The following FEV variants were observed in gnomAD, a reference collection of about 807,000 sequenced individuals.
FEV encodes protein FEV.
Under a neutral mutation model 20.5 loss-of-function variants are expected in FEV, and 14 were observed. That is an observed-to-expected ratio of 0.68 (90% CI 0.45 to 1.07). The LOEUF is 1.07. Among genes scored for constraint, FEV ranks in the 50% least tolerant of loss-of-function variants. The pLI is 0.00. For missense variants in FEV, 301 were observed against 345.3 expected (o/e 0.87, Z 1.02); for synonymous variants, 188 against 163.7 (o/e 1.15, Z -1.13).
In FEV at chr2:218,984,860, C is replaced by A. The variant is rs1178044689; in HGVS notation, c.52+164G>T. 1.3e-5 allele frequency among the ~76,000 whole-genome samples: 2 copies of A among 152,218 alleles called. No individual in the cohort carries two copies. Among genetic ancestry groups the A allele is most frequent in the African/African-American group, 4.8e-5 (2 of 41,454 alleles). On this transcript the variant is annotated intron_variant, in intron 1 of 2. Transcript: ENST00000295727. The surrounding 1 kb of genome is among the most constrained non-coding windows in gnomAD (Gnocchi z 5.0). ...ACTGAAACCCAGAGCTCTCTATCTGCCTTTAGGTCTCCCCAGTGCCCTACA... is the reference window on the plus strand; with the variant it reads ...ACTGAAACCCAGAGCTCTCTATCTGACTTTAGGTCTCCCCAGTGCCCTACA...
In FEV at chr2:218,981,722, G is replaced by C; in HGVS notation, c.662C>G (p.Pro221Arg). ...LYPSPSLQPP[P>R]GPFGAVAAAS... ...TGCGGCCACGGCCCCGAAGGGCCCG[G>C]GCGGGGGCTGCAAGCTGGGACTGGG... Residue 221 changes from proline (P) to arginine (R), a missense_variant, in exon 3 of 3, where the codon CCC becomes CGC. Coordinates refer to ENST00000295727, the MANE Select transcript of FEV (RefSeq NM_017521.3). The surrounding 1 kb of genome is among the most constrained non-coding windows in gnomAD (Gnocchi z 4.5). 4.5e-6 allele frequency: 6 copies of C among 1,334,826 alleles called. No homozygotes were observed. The highest frequency in any genetic ancestry group is 4.8e-6 in the Non-Finnish European group (5 of 1,049,616). The allele number at this position is 1,334,826 out of a possible 1,614,324, so 82.7% of individuals were successfully genotyped here.
Position 218,981,602 on chromosome 2 carries a change from A to G in FEV, c.*65T>C. On this transcript the variant is annotated 3_prime_UTR_variant, in exon 3 of 3. Coordinates refer to ENST00000295727, the MANE Select transcript of FEV (RefSeq NM_017521.3). This position sits in a 1 kb window ranked among gnomAD's most constrained non-coding sequence, Gnocchi z 4.5. Reference sequence around the variant, plus strand: ...CGGAGGCTCCCGGGCCCTCCCCGGGATGCCGATGGGATCGGGCGAGACTCT... The same window carrying G: ...CGGAGGCTCCCGGGCCCTCCCCGGGGTGCCGATGGGATCGGGCGAGACTCT... 1 of 1,203,618 alleles carries G rather than the reference A, an allele frequency of 8.3e-7. No homozygotes were observed. Among genetic ancestry groups the G allele is most frequent in the South Asian group, 3.5e-5 (1 of 28,428 alleles). 74.6% of individuals were successfully genotyped at this position (1,203,618 alleles called of 1,614,324 possible).
In FEV at chr2:218,984,375, G is replaced by C. The variant is rs897974154; in HGVS notation, c.53-70C>G. 15 of 1,459,746 alleles carry C rather than the reference G, an allele frequency of 1.0e-5. No individual in the cohort carries two copies. The South Asian group carries it at 1.4e-4, about 13-fold the overall frequency. 90.4% of individuals were successfully genotyped at this position (1,459,746 alleles called of 1,614,324 possible). A position where few individuals can be genotyped will look rare whatever the true frequency, so the allele number is the denominator to read the frequency against. On this transcript the variant is annotated intron_variant, in intron 1 of 2. Transcript: ENST00000295727. The surrounding 1 kb of genome is among the most constrained non-coding windows in gnomAD (Gnocchi z 5.0). ...GTTGTGGGCTTGACAAAAGGGCCCC[G>C]GGCCAAGGCTTAAGGGGGGTGCTGT... is the stretch of plus-strand genomic sequence containing the variant.
At chr2:218,982,320 T>C (rs1945397887) in intron 2 of FEV, 64 bp from the exon 3 acceptor site, 6 of 1,435,050 alleles carry the variant, frequency 4.2e-6, no homozygotes, top group Non-Finnish European at 5.6e-6. Context: ...GGAAGAGTGC[T>C]GGCGGGAAAC....
chr2:218,983,576 C>T (rs1945410437), intron 2 of FEV, among the ~76,000 whole-genome samples: 1 of 152,220 alleles, frequency 6.6e-6, no homozygotes, highest in Non-Finnish European at 1.5e-5. Context: ...TCCTGTTGGG[C>T]ATAGTTTCCT....
At chr2:218,982,342 G>T (rs1945398181) in intron 2 of FEV, 86 bp from the exon 3 acceptor site, 1 of 1,202,694 alleles carries the variant, frequency 8.3e-7, no homozygotes, top group Non-Finnish European at 1.1e-6. Flanking sequence ...GACCCACCCC[G>T]GCAGGAACCG....
rs1945388711 is a variant in FEV at position 218,981,788 on chromosome 2, C to G, written c.596G>C (p.Gly199Ala). The change falls in exon 3 of 3, where the codon GGC becomes GCC. Residue 199 changes from glycine to alanine, a missense_variant. Transcript: ENST00000295727. The surrounding 1 kb of genome is among the most constrained non-coding windows in gnomAD (Gnocchi z 4.5). ...GGCGGCGGCAGCGGTGGCGGCGGGG[C>G]CCGGGCCCGGCCAGTAGGAGAAGCC... is the stretch of plus-strand genomic sequence containing the variant. Reference protein sequence around the residue: ...PAGFSYWPGPGPAATAAAATA... With the variant: ...PAGFSYWPGPAPAATAAAATA... The G allele has an allele frequency of 2.5e-5, 32 of 1,260,426 alleles. No homozygotes were observed. The highest frequency in any genetic ancestry group is 3.1e-5 in the Non-Finnish European group (31 of 1,009,914). The allele number at this position is 1,260,426 out of a possible 1,614,324, so 78.1% of individuals were successfully genotyped here.
In FEV at chr2:218,981,592, C is replaced by G; in HGVS notation, c.*75G>C. On this transcript the variant is annotated 3_prime_UTR_variant, in exon 3 of 3. Coordinates refer to ENST00000295727, the MANE Select transcript of FEV (RefSeq NM_017521.3). This position sits in a 1 kb window ranked among gnomAD's most constrained non-coding sequence, Gnocchi z 4.5. ...GGACGGTTGACGGAGGCTCCCGGGC[C>G]CTCCCCGGGATGCCGATGGGATCGG... The G allele has an allele frequency of 8.7e-7, 1 of 1,148,596 alleles. No homozygotes were observed. Among genetic ancestry groups the G allele is most frequent in the South Asian group, 3.9e-5 (1 of 25,382 alleles). The allele number at this position is 1,148,596 out of a possible 1,614,324, so 71.2% of individuals were successfully genotyped here.
Position 218,982,059 on chromosome 2 carries a change from A to G in FEV, c.325T>C (p.Tyr109His). The G allele has an allele frequency of 6.2e-7, 1 of 1,613,786 alleles. No individual in the cohort carries two copies. The highest frequency in any genetic ancestry group is 8.5e-7 in the Non-Finnish European group (1 of 1,179,850). ...DKLSRALRYY[Y>H]DKNIMSKVHG... ...ACCTTGCTCATGATGTTCTTGTCGT[A>G]GTAGTAGCGCAGGGCGCGGCTCAGC... Residue 109 changes from tyrosine (Y) to histidine (H), a missense_variant, in exon 3 of 3, where the codon TAC (tyrosine) becomes CAC (histidine). Coordinates refer to ENST00000295727, the MANE Select transcript of FEV (RefSeq NM_017521.3).
chr2:218,984,942 C>G lies in FEV; in HGVS notation c.52+82G>C, dbSNP rs1189995377. ...CCGGACACTTCTCCTTCCCCTGGAC[C>G]CCAGCACTCTCTTCCCATGCCTGAG... On this transcript the variant is annotated intron_variant, in intron 1 of 2. Transcript: ENST00000295727. This position sits in a 1 kb window ranked among gnomAD's most constrained non-coding sequence, Gnocchi z 5.0. 1.5e-6 allele frequency: 2 copies of G among 1,293,646 alleles called. No homozygotes were observed. Among genetic ancestry groups the G allele is most frequent in the Non-Finnish European group, 1.1e-6 (1 of 912,272 alleles). 80.1% of individuals were successfully genotyped at this position (1,293,646 alleles called of 1,614,324 possible).
At position 218,981,804 on chromosome 2, in the gene FEV, A is replaced by G; in HGVS notation, c.580T>C (p.Tyr194His). 2 of 1,247,252 alleles carry G rather than the reference A, an allele frequency of 1.6e-6. No homozygotes were observed. The highest frequency in any genetic ancestry group is 2.0e-6 in the Non-Finnish European group (2 of 1,001,548). The allele number at this position is 1,247,252 out of a possible 1,614,324, so 77.3% of individuals were successfully genotyped here. A position where few individuals can be genotyped will look rare whatever the true frequency, so the allele number is the denominator to read the frequency against. Residue 194 changes from tyrosine to histidine, a missense_variant, in exon 3 of 3, where the codon TAC becomes CAC. Coordinates refer to ENST00000295727, the MANE Select transcript of FEV (RefSeq NM_017521.3). The surrounding 1 kb of genome is among the most constrained non-coding windows in gnomAD (Gnocchi z 4.5). The part of the protein sequence containing the change: ...SAGVAPAGFS[Y>H]WPGPGPAATA... ...GCGGCGGGGCCCGGGCCCGGCCAGT[A>G]GGAGAAGCCGGCGGGCGCGACCCCG...
rs374633301 is a variant in FEV, at chr2:218,981,333, G to C, written c.*334C>G. Reference sequence around the variant, plus strand: ...GTTAAAGAGTAGTGATATTGAATGGGGCTTCTAGGAGCCAGGCGGAAATGC... The same window carrying C: ...GTTAAAGAGTAGTGATATTGAATGGCGCTTCTAGGAGCCAGGCGGAAATGC... On this transcript the variant is annotated 3_prime_UTR_variant, in exon 3 of 3. Coordinates refer to ENST00000295727, the MANE Select transcript of FEV (RefSeq NM_017521.3). This position sits in a 1 kb window ranked among gnomAD's most constrained non-coding sequence, Gnocchi z 4.5. 6.9e-4 allele frequency: 197 copies of C among 285,910 alleles called. 4 individuals are homozygous for C. The South Asian group carries it at 0.031, about 45-fold the overall frequency. The allele number at this position is 285,910 out of a possible 1,614,324, so 17.7% of individuals were successfully genotyped here. A position where few individuals can be genotyped will look rare whatever the true frequency, so the allele number is the denominator to read the frequency against.
intron 2 of FEV, 89 bp from the exon 3 acceptor site, chr2:218,982,345 A>G: frequency 8.2e-7 from 1 of 1,219,016 alleles, no homozygotes; most frequent in Non-Finnish European, 1.1e-6. Flanking sequence ...CCACCCCGGC[A>G]GGAACCGGCA....
At position 218,981,528 on chromosome 2, in the gene FEV, CCTG is replaced by C; in HGVS notation, c.*136_*138del. The stretch of plus-strand genomic sequence containing the variant: ...ATTGAGGGAGCTTCGGTCCCGTCCC[CCTG>C]CTAAGTGCGGCAGGTGGAGTAAACT... On this transcript the variant is annotated 3_prime_UTR_variant, in exon 3 of 3. Transcript: ENST00000295727. This position sits in a 1 kb window ranked among gnomAD's most constrained non-coding sequence, Gnocchi z 4.5. 3.1e-6 allele frequency: 2 copies of C among 644,790 alleles called. No individual in the cohort carries two copies. The highest frequency in any genetic ancestry group is 4.4e-6 in the Non-Finnish European group (2 of 452,580). 39.9% of individuals were successfully genotyped at this position (644,790 alleles called of 1,614,324 possible).
chr2:218,982,000 G>A lies in FEV; in HGVS notation c.384C>T (p.Phe128=), dbSNP rs1945392516. The A allele has an allele frequency of 6.2e-7, 1 of 1,611,150 alleles. No homozygotes were observed. Among genetic ancestry groups the A allele is most frequent in the South Asian group, 1.1e-5 (1 of 90,890 alleles). Reference sequence around the variant, plus strand: ...GCTGGCAGGCCTGCGCCAGGCCCTGGAAGTCGAAGCGGTAGGCGTAGCGCT... The same window carrying A: ...GCTGGCAGGCCTGCGCCAGGCCCTGAAAGTCGAAGCGGTAGGCGTAGCGCT... ...HGKRYAYRFD[F]QGLAQACQPP... The change falls in exon 3 of 3, where the codon TTC becomes TTT. Residue 128 remains phenylalanine (F), a synonymous_variant. Coordinates refer to ENST00000295727, the MANE Select transcript of FEV (RefSeq NM_017521.3). The surrounding 1 kb of genome is among the most constrained non-coding windows in gnomAD (Gnocchi z 4.5).
intron 2 of FEV, among the ~76,000 whole-genome samples, chr2:218,982,843 G>A (rs1272061752): frequency 6.6e-6 from 1 of 152,244 alleles, no homozygotes; most frequent in Non-Finnish European, 1.5e-5. Context: ...CTACTCCTGA[G>A]GTGGAGTGGT....
Position 218,984,306 on chromosome 2 carries a change from C to T in FEV, c.53-1G>A, listed in dbSNP as rs867056417. 15 of 1,590,478 alleles carry T rather than the reference C, an allele frequency of 9.4e-6. No homozygotes were observed. Among genetic ancestry groups the T allele is most frequent in the Non-Finnish European group, 1.3e-5 (15 of 1,168,318 alleles). ...TTGAAGAGACCGTCTCCGACGGGAT[C>T]TGCAAGCAGCAGAAGAAAAGAATCA... On this transcript the variant is annotated splice_acceptor_variant, in intron 1 of 2. Coordinates refer to ENST00000295727, the MANE Select transcript of FEV (RefSeq NM_017521.3). LOFTEE classifies it high-confidence loss of function. This position sits in a 1 kb window ranked among gnomAD's most constrained non-coding sequence, Gnocchi z 5.0.
Position 218,984,875 on chromosome 2 carries a change from A to C in FEV, c.52+149T>G. The C allele has an allele frequency of 2.7e-6, 2 of 728,162 alleles. No homozygotes were observed. The highest frequency in any genetic ancestry group is 4.8e-6 in the Non-Finnish European group (2 of 412,460). 45.1% of individuals were successfully genotyped at this position (728,162 alleles called of 1,614,324 possible). A position where few individuals can be genotyped will look rare whatever the true frequency, so the allele number is the denominator to read the frequency against. On this transcript the variant is annotated intron_variant, in intron 1 of 2. Transcript: ENST00000295727. The surrounding 1 kb of genome is among the most constrained non-coding windows in gnomAD (Gnocchi z 5.0). ...TCTCTATCTGCCTTTAGGTCTCCCCAGTGCCCTACATTACAATCGGCCCTC... is the reference window on the plus strand; with the variant it reads ...TCTCTATCTGCCTTTAGGTCTCCCCCGTGCCCTACATTACAATCGGCCCTC...
At position 218,985,078 on chromosome 2, in the gene FEV, C is replaced by G. The variant is rs1264908765; in HGVS notation, c.-3G>C. ...TGGGAGGCGCCGCTCTGTCTCATCG[C>G]CGCCGGGGACTGGGCGGTGGGAGAT... On this transcript the variant is annotated 5_prime_UTR_variant, in exon 1 of 3. Coordinates refer to ENST00000295727, the MANE Select transcript of FEV (RefSeq NM_017521.3). The G allele has an allele frequency of 6.4e-7, 1 of 1,552,140 alleles. No homozygotes were observed. The highest frequency in any genetic ancestry group is 8.7e-7 in the Non-Finnish European group (1 of 1,147,788).
Sources: allele counts gnomAD v4.1 joint callset (sites outside exome capture counted in the v4.1 genomes callset), GRCh38; gene constraint gnomAD v4.1.1; non-coding constraint Gnocchi (gnomAD v3.1); transcripts MANE v1.5; gene names NCBI Gene and HGNC (gene_info 2026-07-23, HGNC 2026-07-21).